The following CEP350 variants were observed in gnomAD, a reference collection of about 807,000 sequenced individuals.
The protein encoded by CEP350 is centrosome-associated protein 350.
A neutral mutation model predicts 331.8 loss-of-function variants in CEP350; 126 were observed. The ratio of observed to expected loss-of-function variants is 0.38; its 90% CI spans 0.33 to 0.44. The LOEUF is 0.44. Among genes scored for constraint, CEP350 ranks in the 20% least tolerant of loss-of-function variants. The probability of loss-of-function intolerance (pLI) is 1.00; values close to 1 mark genes in which losing one functional copy is unlikely to be tolerated. For synonymous variants in CEP350, 1,200 were observed against 1,259.5 expected (o/e 0.95, Z 1.00); for missense variants, 3,406 against 3,634.6 (o/e 0.94, Z 1.62).
At chr1:180,011,814 T>A in intron 8 of CEP350, 115 bp from the exon 9 acceptor site, 1 of 679,436 alleles carries the variant, frequency 1.5e-6, no homozygotes, top group Non-Finnish European at 2.4e-6. Flanking sequence ...ATATTGTAAA[T>A]CTTTTGACCT....
chr1:179,961,396 C>A (rs538604247), intron 1 of CEP350, among the ~76,000 whole-genome samples: 71 of 151,954 alleles, frequency 4.7e-4, no homozygotes, highest in African/African-American at 1.7e-3. Context: ...TGCAGTGAGC[C>A]GAGATCGCGT....
At chr1:180,059,904 A>C (rs2148997953) in intron 25 of CEP350, among the ~76,000 whole-genome samples, 1 of 152,268 alleles carries the variant, frequency 6.6e-6, no homozygotes, top group South Asian at 2.1e-4. Flanking sequence ...GATATTGCAT[A>C]ATGAAGTGTG....
chr1:179,966,256 T>A (rs1651004699), intron 1 of CEP350, among the ~76,000 whole-genome samples: 1 of 152,190 alleles, frequency 6.6e-6, no homozygotes, highest in Non-Finnish European at 1.5e-5. Context: ...TGAAATCTTT[T>A]TAGAAGCTTC....
At chr1:179,991,667 A>ATATATGTGTG (rs1553252542) in intron 4 of CEP350, among the ~76,000 whole-genome samples, 2 of 90,194 alleles carry the variant, frequency 2.2e-5, no homozygotes, top group Non-Finnish European at 4.1e-5. Context: ...ATATATATAT[A>ATATATGTGTG]TGTGTGTGTG....
chr1:180,097,866 TC>T (rs967001430), intron 36 of CEP350, among the ~76,000 whole-genome samples: 23 of 152,242 alleles, frequency 1.5e-4, no homozygotes, highest in Admixed American at 2.6e-4. Flanking sequence ...CATTACATTG[TC>T]CCCAAAAATT....
intron 29 of CEP350, 39 bp from the exon 30 acceptor site, chr1:180,080,478 A>T: frequency 6.3e-7 from 1 of 1,580,460 alleles, no homozygotes; most frequent in Non-Finnish European, 8.6e-7. Flanking sequence ...TTACAATTAT[A>T]TCAAAAAATA....
chr1:180,004,898 G>GCTTTCTTTCTTT (rs1491096254), intron 7 of CEP350, among the ~76,000 whole-genome samples: 79 of 121,458 alleles, frequency 6.5e-4, no homozygotes, highest in African/African-American at 1.6e-3. Context: ...TTGCTTGCTT[G>GCTTTCTTTCTTT]CTTGCTTGCT....
chr1:180,100,791 TGAG>T lies in CEP350; in HGVS notation c.9189+1812_9189+1814del, dbSNP rs1242524784. Among the ~76,000 whole-genome samples the T allele has an allele frequency of 3.3e-5, 5 of 152,080 alleles. No homozygotes were observed. The South Asian group carries it at 6.2e-4, about 19-fold the overall frequency. On this transcript the variant is annotated intron_variant, in intron 37 of 37. Coordinates refer to ENST00000367607, the MANE Select transcript of CEP350 (RefSeq NM_014810.5). The stretch of plus-strand genomic sequence containing the variant: ...AATACATGGCAGCAGTAAGAGAAAA[TGAG>T]GAGGAAGCAAAAGTGGAAACCCCTG...
intron 13 of CEP350, 127 bp from the exon 14 acceptor site, chr1:180,024,291 TA>T: frequency 1.3e-6 from 1 of 747,332 alleles, no homozygotes; most frequent in Non-Finnish European, 2.0e-6. Flanking sequence ...AAAAAAATAA[TA>T]AAGTGTTAAG....
At chr1:180,010,710 T>C (rs1654592361) in intron 8 of CEP350, among the ~76,000 whole-genome samples, 1 of 151,874 alleles carries the variant, frequency 6.6e-6, no homozygotes, top group South Asian at 2.1e-4. Flanking sequence ...CAAGTGATCC[T>C]CCCACCTCAG....
rs749896310 is a variant in CEP350 at position 180,013,854 on chromosome 1, C to T, written c.1401C>T (p.His467=). 1 of 1,606,940 alleles carries T rather than the reference C, an allele frequency of 6.2e-7. No individual in the cohort carries two copies. Among genetic ancestry groups the T allele is most frequent in the South Asian group, 1.1e-5 (1 of 89,738 alleles). ...ACAGTTCATACTTTGCAGGGGGTCA[C>T]ATTGGAAGAGCAGAATCTGATCCCA... is the stretch of plus-strand genomic sequence containing the variant. ...GRERTAKSGG[H]IGRAESDPRL... The change falls in exon 10 of 38, where the codon CAC becomes CAT. Residue 467 remains histidine (H), a synonymous_variant. Transcript: ENST00000367607.
chr1:180,071,581 A>C (rs1658899408), intron 27 of CEP350, among the ~76,000 whole-genome samples: 1 of 152,138 alleles, frequency 6.6e-6, no homozygotes. Flanking sequence ...GTTCAAGACC[A>C]GCCTGGCCAA....
At position 179,971,590 on chromosome 1, in the gene CEP350, C is replaced by T. The variant is rs143596533; in HGVS notation, c.-13-14579C>T. Among the ~76,000 whole-genome samples, 698 of 152,194 alleles carry T rather than the reference C, an allele frequency of 4.6e-3. 6 individuals carry two copies. Among genetic ancestry groups the T allele is most frequent in the African/African-American group, 0.016 (661 of 41,538 alleles). ...ATCTTCCTATCTTGGCCTCCCAAAG[C>T]GCTGGGATTACAGGTGTGACCCACT... On this transcript the variant is annotated intron_variant, in intron 1 of 37. Coordinates refer to ENST00000367607, the MANE Select transcript of CEP350 (RefSeq NM_014810.5).
At chr1:179,966,529 T>C (rs575096114) in intron 1 of CEP350, among the ~76,000 whole-genome samples, 1 of 152,296 alleles carries the variant, frequency 6.6e-6, no homozygotes, top group Admixed American at 6.5e-5. Flanking sequence ...TTGGATCCCT[T>C]TGATCAACTT....
At position 179,969,513 on chromosome 1, in the gene CEP350, C is replaced by T. The variant is rs143413928; in HGVS notation, c.-14+14371C>T. ...GAATAAGCACTGAATTGGCCTTAAG[C>T]TGTTCTTGCATGGACTCTTAAGCAA... is the stretch of plus-strand genomic sequence containing the variant. On this transcript the variant is annotated intron_variant, in intron 1 of 37. Transcript: ENST00000367607. 1,166 of 453,478 alleles carry T rather than the reference C, an allele frequency of 2.6e-3. 14 individuals are homozygous for T. Among genetic ancestry groups the T allele is most frequent in the African/African-American group, 0.021 (1,064 of 50,196 alleles). The allele number at this position is 453,478 out of a possible 1,614,324, so 28.1% of individuals were successfully genotyped here.
rs199569137 is a variant in CEP350, at chr1:180,024,542, T to C, written c.3510T>C (p.Thr1170=). ...AQSAASSRSS[T]SSKGKKGKKE... ...CTGCTGCATCGTCTCGTTCATCTAC[T>C]TCTTCTAAAGGAAAGAAAGGAAAAA... The change falls in exon 14 of 38, where the codon ACT becomes ACC. Residue 1170 remains threonine, a synonymous_variant. Transcript: ENST00000367607. The C allele has an allele frequency of 2.3e-5, 37 of 1,613,098 alleles. No homozygotes were observed. The African/African-American group carries it at 4.8e-4, about 21-fold the overall frequency.
intron 15 of CEP350, among the ~76,000 whole-genome samples, 169 bp from the exon 16 acceptor site, chr1:180,033,693 T>G (rs920940799): frequency 6.6e-6 from 1 of 152,194 alleles, no homozygotes; most frequent in Non-Finnish European, 1.5e-5. Context: ...AGAGGAATAT[T>G]CATAGTCATT....
intron 1 of CEP350, among the ~76,000 whole-genome samples, chr1:179,966,220 CTTTT>C (rs1229982704): frequency 1.1e-4 from 17 of 152,076 alleles, no homozygotes; most frequent in Non-Finnish European, 1.9e-4. Context: ...TATAAAGAGT[CTTTT>C]TATAAAAAGC....
intron 1 of CEP350, among the ~76,000 whole-genome samples, chr1:179,978,999 T>TG (rs1402723768): frequency 6.6e-6 from 1 of 152,208 alleles, no homozygotes; most frequent in Admixed American, 6.5e-5. Flanking sequence ...TTCCATTTCT[T>TG]GGTTATTGTG....
Sources: allele counts gnomAD v4.1 joint callset (sites outside exome capture counted in the v4.1 genomes callset), GRCh38; gene constraint gnomAD v4.1.1; transcripts MANE v1.5; gene names NCBI Gene and HGNC (gene_info 2026-07-23, HGNC 2026-07-21).